Variants in PARP4 observed in about 807,000 individuals in gnomAD.
The protein encoded by PARP4 is poly(ADP-ribose) polymerase family member 4, also known as protein mono-ADP-ribosyltransferase PARP4.
Under a neutral mutation model 187.7 loss-of-function variants are expected in PARP4, and 120 were observed. The ratio of observed to expected loss-of-function variants is 0.64; its 90% CI spans 0.55 to 0.74. The LOEUF (loss-of-function observed/expected upper bound fraction) is 0.74. PARP4 is among the 30% of genes least tolerant of loss of function. The pLI is 0.00. For missense variants in PARP4, 1,836 were observed against 2,070.5 expected (o/e 0.89, Z 2.20); for synonymous variants, 654 against 740.9 (o/e 0.88, Z 1.90).
chr13:24,494,405 G>C (rs750976194), intron 7 of PARP4, among the ~76,000 whole-genome samples, 168 bp downstream of exon 7: 38 of 152,136 alleles, frequency 2.5e-4, no homozygotes, highest in Non-Finnish European at 3.1e-4. Context: ...TGTTGCCAAG[G>C]CTGGTCTTGA....
At chr13:24,425,226 A>T (rs546951412) in intron 33 of PARP4, among the ~76,000 whole-genome samples, 1 of 146,604 alleles carries the variant, frequency 6.8e-6, no homozygotes, top group Non-Finnish European at 1.5e-5. Context: ...GCTTGAGCCC[A>T]GGAGGCGGAG....
At chr13:24,489,212 A>T (rs565679715) in intron 10 of PARP4, among the ~76,000 whole-genome samples, 156 of 152,278 alleles carry the variant, frequency 1.0e-3, no homozygotes, top group African/African-American at 3.6e-3. Context: ...TAATTTGTTG[A>T]GGAATCATCT....
intron 32 of PARP4, among the ~76,000 whole-genome samples, chr13:24,429,293 T>C (rs1176465035): frequency 6.6e-6 from 1 of 152,248 alleles, no homozygotes; most frequent in Non-Finnish European, 1.5e-5. Flanking sequence ...TGTCTGCTAA[T>C]TCTAACATCT....
At chr13:24,429,199 G>A (rs904813871) in intron 32 of PARP4, among the ~76,000 whole-genome samples, 4 of 151,900 alleles carry the variant, frequency 2.6e-5, no homozygotes, top group African/African-American at 9.7e-5. Flanking sequence ...CCATCTATTT[G>A]CTGAGATTCT....
intron 32 of PARP4, among the ~76,000 whole-genome samples, chr13:24,429,911 T>C (rs2137434945): frequency 6.6e-6 from 1 of 152,336 alleles, no homozygotes; most frequent in Admixed American, 6.5e-5. Context: ...TAAGACTTTC[T>C]GTTTTAGTTC....
At chr13:24,463,077 C>T (rs1593617039) in intron 17 of PARP4, among the ~76,000 whole-genome samples, 1 of 152,168 alleles carries the variant, frequency 6.6e-6, no homozygotes, top group South Asian at 2.1e-4. Context: ...ATAACATAAA[C>T]ACATCATAGT....
chr13:24,490,770 G>A lies in PARP4; in HGVS notation c.1112C>T (p.Ser371Phe). The A allele has an allele frequency of 6.2e-7, 1 of 1,614,020 alleles. No homozygotes were observed. The highest frequency in any genetic ancestry group is 8.5e-7 in the Non-Finnish European group (1 of 1,179,862). Residue 371 changes from serine to phenylalanine, a missense_variant, in exon 10 of 34, where the codon TCC becomes TTC. Ser to Phe is a radical substitution (Grantham distance 155, BLOSUM62 -2). This residue lies in a region of PARP4 where 1,147 missense variants were observed against 1,214.2 expected (regional missense o/e 0.94). Transcript: ENST00000381989. ...CCTCAAAGCTCGGTATTTGGCCAGG[G>A]ATGGTGGGTTGGGTTTGGACAAATT... ...ETNLSKPNPP[S>F]LAKYRALRCK...
chr13:24,472,410 T>C (rs1229664946), intron 15 of PARP4, among the ~76,000 whole-genome samples: 9 of 152,110 alleles, frequency 5.9e-5, no homozygotes, highest in Non-Finnish European at 1.3e-4. Context: ...AGGTCAGCTA[T>C]ATCCAAACTG....
rs763313403 is a variant in PARP4, at chr13:24,493,586, A to G, written c.879+10T>C. On this transcript the variant is annotated intron_variant, in intron 8 of 33. Transcript: ENST00000381989. ...TTTTCACATTCTGTTTCAGCGACAC[A>G]CCAACTTACATCGTTGAGGCTAATC... 1 of 1,595,952 alleles carries G rather than the reference A, an allele frequency of 6.3e-7. No homozygotes were observed. Among genetic ancestry groups the G allele is most frequent in the Non-Finnish European group, 8.5e-7 (1 of 1,174,996 alleles).
intron 22 of PARP4, among the ~76,000 whole-genome samples, chr13:24,454,587 G>C (rs1871720556): frequency 6.6e-6 from 1 of 152,124 alleles, no homozygotes. Flanking sequence ...CAAATGTTTT[G>C]TCCTTAGACT....
At chr13:24,454,927 C>T (rs987803075) in intron 22 of PARP4, 90 bp downstream of exon 22, 136 of 1,054,250 alleles carry the variant, frequency 1.3e-4, no homozygotes, top group Admixed American at 1.6e-4. Flanking sequence ...ACCACACAGG[C>T]AGGGTCGGGT....
intron 17 of PARP4, 77 bp downstream of exon 17, chr13:24,468,947 T>TAATCTTA (rs1872613714): frequency 3.7e-6 from 4 of 1,073,404 alleles, no homozygotes; most frequent in Non-Finnish European, 5.7e-6. Flanking sequence ...GCCTCTAGCA[T>TAATCTTA]GAAATTCGTA....
chr13:24,504,307 CTTTTTTTTTTTTTTTTT>C (rs11434017), intron 1 of PARP4, among the ~76,000 whole-genome samples: 2 of 87,356 alleles, frequency 2.3e-5, no homozygotes, highest in Admixed American at 1.7e-4. Flanking sequence ...CATTTAGGTT[CTTTTTTTTTTTTTTTTT>C]TTTTTTGGAG....
chr13:24,430,568 C>A lies in PARP4; in HGVS notation c.4846+809G>T, dbSNP rs555166064. Among the ~76,000 whole-genome samples, 5 of 151,542 alleles carry A rather than the reference C, an allele frequency of 3.3e-5. No individual in the cohort carries two copies. The East Asian group carries it at 9.7e-4, about 29-fold the overall frequency. ...ACTCAGGAGGCTTAGGTGGGAGGAT[C>A]CCTTGAGCCTGGGAGGTAGAAGTTG... On this transcript the variant is annotated intron_variant, in intron 32 of 33. Coordinates refer to ENST00000381989, the MANE Select transcript of PARP4 (RefSeq NM_006437.4).
At position 24,503,677 on chromosome 13, in the gene PARP4, C is replaced by G. The variant is rs1869437249; in HGVS notation, c.100G>C (p.Gly34Arg). The G allele has an allele frequency of 6.2e-7, 1 of 1,613,342 alleles. No individual in the cohort carries two copies. Among genetic ancestry groups the G allele is most frequent in the South Asian group, 1.1e-5 (1 of 91,066 alleles). The part of the protein sequence containing the change: ...KKLQTDIKEN[G>R]GKFSFSLNPQ... ...TTTAACGAAAAGGAAAACTTTCCGC[C>G]ATTTTCCTTAATGTCAGTTTGTAGC... Residue 34 changes from glycine (G) to arginine (R), a missense_variant, in exon 2 of 34, where the codon GGC (glycine) becomes CGC (arginine). Gly to Arg is a moderately radical substitution (Grantham distance 125). Transcript: ENST00000381989.
chr13:24,450,817 T>A (rs1452927359), intron 24 of PARP4, among the ~76,000 whole-genome samples: 1 of 152,206 alleles, frequency 6.6e-6, no homozygotes, highest in African/African-American at 2.4e-5. Context: ...GAGTCTCCTC[T>A]TGGAGCAGGC....
chr13:24,470,942 A>G (rs1447793611), intron 15 of PARP4, among the ~76,000 whole-genome samples: 1 of 152,086 alleles, frequency 6.6e-6, no homozygotes, highest in Admixed American at 6.6e-5. Flanking sequence ...CCATCCTGCA[A>G]ATGAACACCT....
In PARP4 at chr13:24,443,684, T is replaced by C. The variant is rs556531722; in HGVS notation, c.3413A>G (p.Asp1138Gly). Residue 1138 changes from aspartate to glycine, a missense_variant, in exon 28 of 34, where the codon GAT (aspartate) becomes GGT (glycine). Asp to Gly is a moderately conservative substitution (Grantham distance 94). Transcript: ENST00000381989. ...AARALIRDYE[D>G]GILHENETSH... ...GGTTTCATTTTCGTGAAGAATGCCA[T>C]CTTCATAATCTCTGATTAGAGCTCG... The C allele has an allele frequency of 1.4e-5, 23 of 1,613,656 alleles. 1 individual carries two copies. The South Asian group carries it at 1.9e-4, about 13-fold the overall frequency.
At chr13:24,425,569 GTATATCTATATC>G (rs1343575198) in intron 33 of PARP4, among the ~76,000 whole-genome samples, 13 of 136,824 alleles carry the variant, frequency 9.5e-5, no homozygotes, top group South Asian at 7.5e-4. Context: ...GTGTGTGTGT[GTATATCTATATC>G]TATATCTATA....
Sources: allele counts gnomAD v4.1 joint callset (sites outside exome capture counted in the v4.1 genomes callset), GRCh38; gene constraint gnomAD v4.1.1; regional missense constraint gnomAD v4.1.1; transcripts MANE v1.5; gene names NCBI Gene and HGNC (gene_info 2026-07-23, HGNC 2026-07-21).